Variants in PTPRJ observed in about 807,000 individuals in gnomAD.
The protein encoded by PTPRJ is protein tyrosine phosphatase receptor type J.
A neutral mutation model predicts 141.3 loss-of-function variants in PTPRJ; 129 were observed. The observed-to-expected ratio is 0.91, with a 90% CI of 0.79 to 1.06. PTPRJ has a LOEUF of 1.06. Among genes scored for constraint, PTPRJ ranks in the 50% least tolerant of loss-of-function variants. PTPRJ has a pLI of 0.00. For synonymous variants in PTPRJ, 610 were observed against 640.5 expected (o/e 0.95, Z 0.72); for missense variants, 1,601 against 1,679.7 (o/e 0.95, Z 0.82).
chr11:48,132,775 T>A (rs1857012404), intron 8 of PTPRJ: 1 of 956,122 alleles, frequency 1.0e-6, no homozygotes, highest in Non-Finnish European at 1.2e-6. Flanking sequence ...GAGATTCTCC[T>A]TGAAGAAGCT....
chr11:48,083,297 C>T (rs1434698961), intron 1 of PTPRJ, among the ~76,000 whole-genome samples: 7 of 152,094 alleles, frequency 4.6e-5, no homozygotes, highest in African/African-American at 1.2e-4. Flanking sequence ...TGGTGGTGTG[C>T]GCCTGTAATC....
chr11:47,990,016 T>C (rs1854147982), intron 1 of PTPRJ, among the ~76,000 whole-genome samples: 1 of 152,226 alleles, frequency 6.6e-6, no homozygotes, highest in Non-Finnish European at 1.5e-5. Context: ...TGTAAATGGC[T>C]ATGGAAACAT....
At chr11:48,004,486 C>G (rs982304624) in intron 1 of PTPRJ, among the ~76,000 whole-genome samples, 3 of 152,106 alleles carry the variant, frequency 2.0e-5, no homozygotes, top group Non-Finnish European at 4.4e-5. Flanking sequence ...ACAGGCTGGT[C>G]CAGGTGTCTT....
At chr11:48,018,853 T>C (rs1322772815) in intron 1 of PTPRJ, among the ~76,000 whole-genome samples, 1 of 152,222 alleles carries the variant, frequency 6.6e-6, no homozygotes, top group Non-Finnish European at 1.5e-5. Flanking sequence ...AAATGGAAGC[T>C]GACAGCTGCC....
rs569290042 is a variant in PTPRJ, at chr11:48,033,379, A to G, written c.96+52371A>G. 6.7e-4 allele frequency among the ~76,000 whole-genome samples: 102 copies of G among 152,120 alleles called. 2 individuals are homozygous for G. The South Asian group carries it at 0.021, about 31-fold the overall frequency. On this transcript the variant is annotated intron_variant, in intron 1 of 24. Coordinates refer to ENST00000418331, the MANE Select transcript of PTPRJ (RefSeq NM_002843.4). ...ACCAGGAGCCCGGAGCTGAGGGAGG[A>G]CATGAAGGCTGGAATTGTAAGTTTG...
At chr11:48,096,576 C>T (rs749625037) in intron 1 of PTPRJ, among the ~76,000 whole-genome samples, 3 of 139,700 alleles carry the variant, frequency 2.1e-5, no homozygotes, top group Non-Finnish European at 1.5e-5. Context: ...CATTAAAGAA[C>T]GTCTTCAATT....
intron 1 of PTPRJ, among the ~76,000 whole-genome samples, chr11:48,025,926 C>T (rs1853796606): frequency 6.6e-6 from 1 of 152,202 alleles, no homozygotes; most frequent in Non-Finnish European, 1.5e-5. Context: ...TCATGCTGCT[C>T]CTCTTCCTGG....
At chr11:48,082,083 C>G (rs1855573360) in intron 1 of PTPRJ, among the ~76,000 whole-genome samples, 1 of 152,308 alleles carries the variant, frequency 6.6e-6, no homozygotes. Flanking sequence ...GGGCCAATAT[C>G]TCCAAATATT....
chr11:48,101,551 C>A (rs563815716), intron 1 of PTPRJ, among the ~76,000 whole-genome samples: 2 of 152,284 alleles, frequency 1.3e-5, no homozygotes, highest in East Asian at 3.9e-4. Flanking sequence ...TGTGGTCAGT[C>A]AGAGGCAGTT....
chr11:48,074,413 T>C (rs985821358), intron 1 of PTPRJ, among the ~76,000 whole-genome samples: 1 of 152,232 alleles, frequency 6.6e-6, no homozygotes, highest in African/African-American at 2.4e-5. Flanking sequence ...TGACTGAATT[T>C]GTAATTTCCC....
intron 1 of PTPRJ, among the ~76,000 whole-genome samples, chr11:48,035,649 A>G (rs1243615527): frequency 6.8e-6 from 1 of 147,932 alleles, no homozygotes; most frequent in Non-Finnish European, 1.5e-5. Context: ...GTTCTATGTA[A>G]ATGACTATGT....
chr11:48,041,278 T>C (rs1488381684), intron 1 of PTPRJ, among the ~76,000 whole-genome samples: 1 of 152,086 alleles, frequency 6.6e-6, no homozygotes, highest in Non-Finnish European at 1.5e-5. Context: ...CGTGTGAAAA[T>C]GCAGGGAGAT....
chr11:48,026,666 T>C (rs1565264337), intron 1 of PTPRJ, among the ~76,000 whole-genome samples: 1 of 152,076 alleles, frequency 6.6e-6, no homozygotes. Context: ...GCCAGGATGG[T>C]CTCCATCTCC....
In PTPRJ at chr11:47,985,292, C is replaced by T. The variant is rs570341343; in HGVS notation, c.96+4284C>T. 1.3e-3 allele frequency among the ~76,000 whole-genome samples: 204 copies of T among 152,130 alleles called. 5 individuals carry two copies. In the South Asian group the frequency reaches 0.041, roughly 30 times the overall value. ...CCTCTCAAGTATCTGGGACTAAAGG[C>T]GTGTGCTACCATTCCTGGCTAATTT... On this transcript the variant is annotated intron_variant, in intron 1 of 24. Coordinates refer to ENST00000418331, the MANE Select transcript of PTPRJ (RefSeq NM_002843.4).
intron 21 of PTPRJ, 23 bp from the exon 22 acceptor site, chr11:48,159,907 A>G (rs762910990): frequency 1.9e-6 from 3 of 1,613,034 alleles, no homozygotes; most frequent in Admixed American, 1.7e-5. Flanking sequence ...GAGTCTTCTT[A>G]TAAAAATGCA....
intron 1 of PTPRJ, among the ~76,000 whole-genome samples, chr11:48,092,250 G>A (rs372948121): frequency 3.1e-5 from 4 of 128,584 alleles, no homozygotes; most frequent in Admixed American, 9.2e-5. Context: ...AGCCGACATC[G>A]CGCCACTGCA....
chr11:48,112,712 T>C (rs374375816), intron 2 of PTPRJ, 35 bp from the exon 3 acceptor site: 4 of 1,491,928 alleles, frequency 2.7e-6, no homozygotes, highest in East Asian at 2.3e-5. Flanking sequence ...TGGAGAAATA[T>C]ATTTTTAATC....
At chr11:48,065,744 A>G (rs1197429523) in intron 1 of PTPRJ, among the ~76,000 whole-genome samples, 1 of 152,218 alleles carries the variant, frequency 6.6e-6, no homozygotes, top group Non-Finnish European at 1.5e-5. Flanking sequence ...ACCCACCCCA[A>G]CCATCCATTG....
At chr11:48,133,227 GCTGT>G (rs1399783788) in intron 8 of PTPRJ, among the ~76,000 whole-genome samples, 1 of 152,202 alleles carries the variant, frequency 6.6e-6, no homozygotes, top group Non-Finnish European at 1.5e-5. Flanking sequence ...ACCTGTGTCT[GCTGT>G]CTAAGACCAA....
Sources: gnomAD v4.1 joint callset for allele counts (sites outside exome capture counted in the v4.1 genomes callset) on GRCh38, gnomAD v4.1.1 for gene constraint, MANE v1.5 for transcripts, NCBI Gene and HGNC (gene_info 2026-07-23, HGNC 2026-07-21) for gene names.